Variants in COL14A1 observed in about 807,000 individuals in gnomAD.
COL14A1 encodes the protein collagen type XIV alpha 1 chain, also known as collagen alpha-1(XIV) chain.
COL14A1 carries 136 observed loss-of-function variants against 230.3 expected under a neutral mutation model. The observed-to-expected ratio is 0.59, with a 90% CI of 0.51 to 0.68. COL14A1 has a LOEUF of 0.68. Ranked by LOEUF, COL14A1 falls within the 30% of genes least tolerant of loss-of-function variation. The probability of loss-of-function intolerance (pLI) is 0.00; values close to 1 mark genes in which losing one functional copy is unlikely to be tolerated. For missense variants in COL14A1, 1,976 were observed against 2,215.8 expected, an observed-to-expected ratio of 0.89 and a Z score of 2.17; for synonymous variants, 792 against 784.1, an observed-to-expected ratio of 1.01 and a Z score of -0.17.
chr8:120,306,451 G>A (rs373326285), intron 36 of COL14A1, among the ~76,000 whole-genome samples: 123 of 152,194 alleles, frequency 8.1e-4, no homozygotes, highest in East Asian at 2.3e-3. Context: ...TAAATAAAGC[G>A]TAATAAACTA....
At chr8:120,219,160 A>G (rs879551060) in intron 14 of COL14A1, among the ~76,000 whole-genome samples, 10 of 151,992 alleles carry the variant, frequency 6.6e-5, no homozygotes, top group Non-Finnish European at 1.5e-4. Context: ...TCTGTTGCCT[A>G]GGTTGAAGTG....
At chr8:120,250,978 T>G (rs749786251) in intron 22 of COL14A1, among the ~76,000 whole-genome samples, 92 of 152,170 alleles carry the variant, frequency 6.0e-4, no homozygotes, top group Non-Finnish European at 2.6e-4. Flanking sequence ...CAGTTAATTT[T>G]CATATTTTTA....
At chr8:120,266,706 T>C (rs892834231) in intron 24 of COL14A1, 121 bp from the exon 25 acceptor site, 5 of 798,824 alleles carry the variant, frequency 6.3e-6, no homozygotes, top group Non-Finnish European at 1.0e-5. Context: ...ACTCATTAAA[T>C]TCTCAGAGAA....
rs188253056 is a variant in COL14A1 at position 120,281,099 on chromosome 8, T to C, written c.3824+40T>C. 6,088 of 1,560,536 alleles carry C rather than the reference T, an allele frequency of 3.9e-3. 25 individuals are homozygous for C. The highest frequency in any genetic ancestry group is 4.7e-3 in the Non-Finnish European group (5,446 of 1,150,048). ...AAAGATTTTAAAGTCATCGTATGTT[T>C]ATTATATCTCACTGTGAAAATGATG... is the stretch of plus-strand genomic sequence containing the variant. On this transcript the variant is annotated intron_variant, in intron 31 of 47. Transcript: ENST00000297848.
chr8:120,298,597 T>TTATATATATATATATATATATA (rs59846403), intron 35 of COL14A1, among the ~76,000 whole-genome samples: 1 of 57,988 alleles, frequency 1.7e-5, no homozygotes, highest in Non-Finnish European at 3.1e-5. Context: ...CCCATATATT[T>TTATATATATATATATATATATA]TATATATATA....
intron 5 of COL14A1, among the ~76,000 whole-genome samples, chr8:120,170,300 A>G (rs1474491590): frequency 1.3e-5 from 2 of 151,990 alleles, no homozygotes; most frequent in Non-Finnish European, 2.9e-5. Context: ...TAAAATATCC[A>G]AGTACTGCTT....
chr8:120,261,004 T>G (rs1819305079), intron 23 of COL14A1, among the ~76,000 whole-genome samples: 1 of 152,122 alleles, frequency 6.6e-6, no homozygotes, highest in African/African-American at 2.4e-5. Flanking sequence ...AATAATACAG[T>G]TAGGTAGAAG....
At position 120,255,128 on chromosome 8, in the gene COL14A1, A is replaced by G. The variant is rs1586808059; in HGVS notation, c.2753-112A>G. On this transcript the variant is annotated intron_variant, in intron 22 of 47. Coordinates refer to ENST00000297848, the MANE Select transcript of COL14A1 (RefSeq NM_021110.4). ...CTCATTGTAAATTGATGGATTTCCC[A>G]GCTCTGACTATGCAGCTTTGAATGA... The G allele has an allele frequency of 1.3e-5, 10 of 774,362 alleles. No homozygotes were observed. The East Asian group carries it at 2.2e-4, about 17-fold the overall frequency. 48.0% of individuals were successfully genotyped at this position (774,362 alleles called of 1,614,324 possible). A position where few individuals can be genotyped will look rare whatever the true frequency, so the allele number is the denominator to read the frequency against.
At chr8:120,312,226 C>T (rs1013542887) in intron 37 of COL14A1, among the ~76,000 whole-genome samples, 3 of 151,858 alleles carry the variant, frequency 2.0e-5, no homozygotes, top group African/African-American at 4.8e-5. Flanking sequence ...AAAAATCCAG[C>T]TCCCTCCCTC....
At chr8:120,310,121 C>G (rs1055936745) in intron 37 of COL14A1, 59 bp downstream of exon 37, 1 of 1,552,424 alleles carries the variant, frequency 6.4e-7, no homozygotes, top group African/African-American at 1.4e-5. Flanking sequence ...TCATAAATAG[C>G]CATCATTTTG....
chr8:120,372,750 T>C lies in COL14A1; in HGVS notation c.*1519T>C, dbSNP rs910413270. On this transcript the variant is annotated 3_prime_UTR_variant, in exon 48 of 48. Coordinates refer to ENST00000297848, the MANE Select transcript of COL14A1 (RefSeq NM_021110.4). ...CTCCTTTCATCTTCATCTGAAGGAT[T>C]CTTCAGATGATTCATCTTCAGACTT... is the stretch of plus-strand genomic sequence containing the variant. 2.0e-5 allele frequency among the ~76,000 whole-genome samples: 3 copies of C among 151,950 alleles called. No homozygotes were observed. The highest frequency in any genetic ancestry group is 7.3e-5 in the African/African-American group (3 of 41,372).
intron 45 of COL14A1, among the ~76,000 whole-genome samples, chr8:120,365,541 C>T (rs7821312): frequency 0.33 from 49,794 of 152,086 alleles, 8,667 homozygotes; most frequent in Non-Finnish European, 0.39. Flanking sequence ...CTACAAACTC[C>T]GATTAGCTAC....
chr8:120,206,799 A>G, intron 9 of COL14A1, 144 bp from the exon 10 acceptor site: 1 of 775,480 alleles, frequency 1.3e-6, no homozygotes, highest in Non-Finnish European at 1.9e-6. Context: ...GAATGAACAA[A>G]TGGATAACTG....
At chr8:120,184,623 C>A (rs1284694357) in intron 5 of COL14A1, among the ~76,000 whole-genome samples, 1 of 152,162 alleles carries the variant, frequency 6.6e-6, no homozygotes, top group Non-Finnish European at 1.5e-5. Context: ...CAGCAGTCAT[C>A]AAGCTGGAGA....
At chr8:120,170,320 C>T (rs1463714948) in intron 5 of COL14A1, among the ~76,000 whole-genome samples, 1 of 151,914 alleles carries the variant, frequency 6.6e-6, no homozygotes, top group East Asian at 1.9e-4. Context: ...TGAGCTGTCT[C>T]ACATAGATTT....
chr8:120,282,784 T>A (rs1351223492), intron 31 of COL14A1, among the ~76,000 whole-genome samples: 1 of 152,082 alleles, frequency 6.6e-6, no homozygotes, highest in African/African-American at 2.4e-5. Flanking sequence ...GTTGGGCTCT[T>A]CAGGAAGCAG....
chr8:120,194,962 A>G (rs761613218), intron 5 of COL14A1, among the ~76,000 whole-genome samples: 3 of 152,196 alleles, frequency 2.0e-5, no homozygotes, highest in Non-Finnish European at 4.4e-5. Flanking sequence ...ACTCCCAAAT[A>G]CAAAGTTACC....
chr8:120,237,044 C>T (rs1317109253), intron 19 of COL14A1, among the ~76,000 whole-genome samples: 1 of 152,166 alleles, frequency 6.6e-6, no homozygotes, highest in East Asian at 1.9e-4. Flanking sequence ...TCTGGCTGCC[C>T]TTAACATTTT....
In COL14A1 at chr8:120,210,379, G is replaced by A. The variant is rs573664199; in HGVS notation, c.1467+478G>A. Among the ~76,000 whole-genome samples, 12 of 152,224 alleles carry A rather than the reference G, an allele frequency of 7.9e-5. No individual in the cohort carries two copies. In the East Asian group the frequency reaches 2.3e-3, roughly 29 times the overall value. The stretch of plus-strand genomic sequence containing the variant: ...TAGAAATAGAGTTTATTTTTCAAAG[G>A]GTAGGCAAATTATTAAGGTTTATAC... On this transcript the variant is annotated intron_variant, in intron 12 of 47. Transcript: ENST00000297848.
Sources: allele counts gnomAD v4.1 joint callset (sites outside exome capture counted in the v4.1 genomes callset), GRCh38; gene constraint gnomAD v4.1.1; transcripts MANE v1.5; gene names NCBI Gene and HGNC (gene_info 2026-07-23, HGNC 2026-07-21).